The following GRIN2B variants were observed in gnomAD, a reference collection of about 807,000 sequenced individuals.
GRIN2B encodes the protein glutamate receptor ionotropic, NMDA 2B.
In GRIN2B, 5 loss-of-function variants were observed where a neutral mutation model predicts 114.5. That is an observed-to-expected ratio of 0.04 (90% CI 0.02 to 0.09). The LOEUF is 0.09. Among genes scored for constraint, GRIN2B ranks in the 10% least tolerant of loss-of-function variants. The probability of loss-of-function intolerance (pLI) is 1.00; values close to 1 mark genes in which losing one functional copy is unlikely to be tolerated. For synonymous variants in GRIN2B, 787 were observed against 745.1 expected (o/e 1.06, Z -0.92); for missense variants, 1,108 against 1,943.5 (o/e 0.57, Z 8.08).
chr12:13,680,708 A>C (rs2136545847), intron 4 of GRIN2B, among the ~76,000 whole-genome samples: 1 of 152,180 alleles, frequency 6.6e-6, no homozygotes. Context: ...ACTGGAGCTT[A>C]AGTCTTCTGA....
chr12:13,904,988 G>A (rs1355896358), intron 2 of GRIN2B, among the ~76,000 whole-genome samples: 1 of 152,000 alleles, frequency 6.6e-6, no homozygotes, highest in Non-Finnish European at 1.5e-5. Flanking sequence ...TGGGCCTTTT[G>A]AATCTGTAGA....
intron 4 of GRIN2B, among the ~76,000 whole-genome samples, chr12:13,739,534 T>TG (rs1176843725): frequency 6.6e-6 from 1 of 152,062 alleles, no homozygotes; most frequent in Non-Finnish European, 1.5e-5. Context: ...ACCAAATGTT[T>TG]GGGGTAATGC....
intron 2 of GRIN2B, among the ~76,000 whole-genome samples, chr12:13,976,992 G>A (rs1049867912): frequency 2.0e-5 from 3 of 152,166 alleles, no homozygotes; most frequent in African/African-American, 7.2e-5. Context: ...TGAAGGTCAG[G>A]GAAGACAGTC....
chr12:13,936,459 TGA>T (rs1012926970), intron 2 of GRIN2B, among the ~76,000 whole-genome samples: 4 of 152,154 alleles, frequency 2.6e-5, no homozygotes, highest in African/African-American at 7.2e-5. Context: ...GTTTAAAGAT[TGA>T]GTCTTACCAA....
chr12:13,596,292 T>C (rs1015052809), intron 10 of GRIN2B, among the ~76,000 whole-genome samples: 13 of 152,324 alleles, frequency 8.5e-5, no homozygotes, highest in African/African-American at 3.1e-4. Flanking sequence ...GAAACACAGC[T>C]GGCTAATACT....
chr12:13,834,044 T>C lies in GRIN2B; in HGVS notation c.411+31754A>G, dbSNP rs1477870843. ...TCTTTTTTTTTTTTTTTTTTTTTTTTTTTTGAGACGGAGTCTCGCACTGTC... is the reference window on the plus strand; with the variant it reads ...TCTTTTTTTTTTTTTTTTTTTTTTTCTTTTGAGACGGAGTCTCGCACTGTC... On this transcript the variant is annotated intron_variant, in intron 3 of 13. Transcript: ENST00000609686. Among the ~76,000 whole-genome samples, 12 of 131,920 alleles carry C rather than the reference T, an allele frequency of 9.1e-5. No individual in the cohort carries two copies. In the East Asian group the frequency reaches 2.5e-3, roughly 28 times the overall value. 86.5% of individuals were successfully genotyped at this position (131,920 alleles called of 152,430 possible).
Position 13,608,830 on chromosome 12 carries a change from G to C in GRIN2B, c.1783C>G (p.Pro595Ala), listed in dbSNP as rs766030730. 2 of 1,611,006 alleles carry C rather than the reference G, an allele frequency of 1.2e-6. No homozygotes were observed. Among genetic ancestry groups the C allele is most frequent in the Admixed American group, 1.7e-5 (1 of 60,014 alleles). Residue 595 changes from proline (P) to alanine (A), a missense_variant and splice_region_variant, in exon 10 of 14, where the codon CCT becomes GCT. Transcript: ENST00000609686. ...CCGATGGTGAAAGAGGGTCCACCAGGCTCTGGCATGACAAAAAGACAAGGA... is the reference window on the plus strand; with the variant it reads ...CCGATGGTGAAAGAGGGTCCACCAGCCTCTGGCATGACAAAAAGACAAGGA... The part of the protein sequence containing the change: ...YNRCLADGRE[P>A]GGPSFTIGKA...
intron 3 of GRIN2B, among the ~76,000 whole-genome samples, chr12:13,793,975 G>T (rs1426338660): frequency 6.9e-6 from 1 of 144,018 alleles, no homozygotes; most frequent in East Asian, 2.0e-4. Context: ...GCCAAGACAG[G>T]CAGATTGCTT....
chr12:13,585,353 C>G (rs1391365407), intron 10 of GRIN2B, among the ~76,000 whole-genome samples: 1 of 152,188 alleles, frequency 6.6e-6, no homozygotes, highest in Non-Finnish European at 1.5e-5. Flanking sequence ...TCCTGGCAAT[C>G]AATCAGATCT....
At chr12:13,792,496 T>C (rs1195271332) in intron 3 of GRIN2B, among the ~76,000 whole-genome samples, 2 of 152,218 alleles carry the variant, frequency 1.3e-5, no homozygotes, top group Non-Finnish European at 2.9e-5. Context: ...TTAGGAGATA[T>C]TGTGACATGA....
chr12:13,842,008 C>T (rs1865387783), intron 3 of GRIN2B, among the ~76,000 whole-genome samples: 1 of 152,176 alleles, frequency 6.6e-6, no homozygotes, highest in Non-Finnish European at 1.5e-5. Context: ...TCAGAAACCT[C>T]TCCTCTAAGC....
At chr12:13,665,730 C>G (rs1949967724) in intron 5 of GRIN2B, among the ~76,000 whole-genome samples, 1 of 152,136 alleles carries the variant, frequency 6.6e-6, no homozygotes, top group African/African-American at 2.4e-5. Context: ...AATAACATTG[C>G]TAATAACATG....
intron 3 of GRIN2B, among the ~76,000 whole-genome samples, chr12:13,812,982 G>A (rs1864761662): frequency 7.2e-6 from 1 of 139,488 alleles, no homozygotes; most frequent in Admixed American, 7.7e-5. Context: ...TCTCCAGGCT[G>A]GAGTGCAGTG....
At chr12:13,646,139 T>C (rs1048394441) in intron 5 of GRIN2B, among the ~76,000 whole-genome samples, 1 of 152,112 alleles carries the variant, frequency 6.6e-6, no homozygotes, top group African/African-American at 2.4e-5. Flanking sequence ...ATATGAGAGG[T>C]AGTGATAGGA....
At chr12:13,682,921 T>C (rs776218024) in intron 4 of GRIN2B, among the ~76,000 whole-genome samples, 10 of 152,154 alleles carry the variant, frequency 6.6e-5, no homozygotes, top group Admixed American at 1.3e-4. Context: ...TAATCTGCAA[T>C]GAAAGAAAAC....
rs924126797 is a variant in GRIN2B at position 13,542,459 on chromosome 12, G to C, written c.*20324C>G. The C allele has an allele frequency of 6.6e-6, 1 of 152,154 alleles. No homozygotes were observed. The highest frequency in any genetic ancestry group is 2.4e-5 in the African/African-American group (1 of 41,422). 9.4% of individuals were successfully genotyped at this position (152,154 alleles called of 1,614,324 possible). On this transcript the variant is annotated 3_prime_UTR_variant, in exon 14 of 14. Coordinates refer to ENST00000609686, the MANE Select transcript of GRIN2B (RefSeq NM_000834.5). The stretch of plus-strand genomic sequence containing the variant: ...AACATGTTGTGGCCTATCACAGTTA[G>C]CAGTGGGGTTTTTAGTAGAAGTTAA...
At chr12:13,655,171 A>G (rs1949850716) in intron 5 of GRIN2B, among the ~76,000 whole-genome samples, 1 of 152,074 alleles carries the variant, frequency 6.6e-6, no homozygotes, top group African/African-American at 2.4e-5. Flanking sequence ...TTCAACCAAA[A>G]AACCCACCGA....
chr12:13,864,609 T>C (rs1274581670), intron 3 of GRIN2B, among the ~76,000 whole-genome samples: 1 of 152,154 alleles, frequency 6.6e-6, no homozygotes, highest in African/African-American at 2.4e-5. Flanking sequence ...TAATGAACAA[T>C]AATCAGTAAA....
intron 3 of GRIN2B, among the ~76,000 whole-genome samples, chr12:13,787,819 C>A (rs1864244455): frequency 6.6e-6 from 1 of 152,170 alleles, no homozygotes; most frequent in Non-Finnish European, 1.5e-5. Flanking sequence ...AATCCCCAAT[C>A]CATAAATACA....
Sources: gnomAD v4.1 joint callset for allele counts (sites outside exome capture counted in the v4.1 genomes callset) on GRCh38, gnomAD v4.1.1 for gene constraint, MANE v1.5 for transcripts, NCBI Gene and HGNC (gene_info 2026-07-23, HGNC 2026-07-21) for gene names.